Variants in CDYL observed in about 807,000 individuals in gnomAD.
CDYL encodes the protein chromodomain Y-like protein.
In CDYL, 8 loss-of-function variants were observed where a neutral mutation model predicts 47.3. The observed-to-expected ratio is 0.17, with a 90% CI of 0.10 to 0.31. The LOEUF is 0.31. Among genes scored for constraint, CDYL ranks in the 10% least tolerant of loss-of-function variants. The pLI, the probability that CDYL is intolerant of heterozygous loss-of-function variation, is 1.00. For synonymous variants in CDYL, 266 were observed against 265.0 expected (o/e 1.00, Z -0.04); for missense variants, 471 against 701.4 (o/e 0.67, Z 3.71).
intron 1 of CDYL, among the ~76,000 whole-genome samples, chr6:4,891,084 A>G (rs902909058): frequency 6.6e-6 from 1 of 152,242 alleles, no homozygotes; most frequent in East Asian, 1.9e-4. Context: ...TCAATGATTA[A>G]CAGCATCTCC....
At chr6:4,710,379 G>GGGAGGGAAGGAGGGAGGGAGGGAGGGAA (rs1554130869) in intron 1 of CDYL, among the ~76,000 whole-genome samples, 1 of 101,162 alleles carries the variant, frequency 9.9e-6, no homozygotes, top group African/African-American at 3.2e-5. Flanking sequence ...GAGGGAGGGA[G>GGGAGGGAAGGAGGGAGGGAGGGAGGGAA]GGAAGGAAGG....
chr6:4,843,516 T>C (rs1760564973), intron 1 of CDYL, among the ~76,000 whole-genome samples: 1 of 150,158 alleles, frequency 6.7e-6, no homozygotes, highest in Non-Finnish European at 1.5e-5. Flanking sequence ...TTTCTTTTTT[T>C]TTTTTTTTAA....
At chr6:4,837,354 G>C (rs776144152) in intron 1 of CDYL, among the ~76,000 whole-genome samples, 12 of 151,780 alleles carry the variant, frequency 7.9e-5, no homozygotes, top group Non-Finnish European at 1.2e-4. Context: ...ACATAAAGTA[G>C]TTTTATTAAA....
At chr6:4,709,482 C>T (rs1757109782) in intron 1 of CDYL, among the ~76,000 whole-genome samples, 1 of 152,164 alleles carries the variant, frequency 6.6e-6, no homozygotes, top group African/African-American at 2.4e-5. Flanking sequence ...AGGCGTGAGC[C>T]ATTGCACCCA....
At chr6:4,887,488 A>T (rs1761929375) in intron 1 of CDYL, among the ~76,000 whole-genome samples, 1 of 152,052 alleles carries the variant, frequency 6.6e-6, no homozygotes, top group Non-Finnish European at 1.5e-5. Flanking sequence ...TTGCTACTGT[A>T]TAGAAATACA....
chr6:4,904,027 A>G (rs1757150419), intron 2 of CDYL, among the ~76,000 whole-genome samples: 1 of 152,198 alleles, frequency 6.6e-6, no homozygotes, highest in Admixed American at 6.5e-5. Flanking sequence ...TATTCAAGAA[A>G]GAGCCCTCGT....
At chr6:4,903,769 G>A (rs536740433) in intron 2 of CDYL, among the ~76,000 whole-genome samples, 94 of 152,300 alleles carry the variant, frequency 6.2e-4, no homozygotes, top group African/African-American at 1.4e-3. Context: ...AGTATCTTCC[G>A]TGGCTTCTGA....
intron 1 of CDYL, among the ~76,000 whole-genome samples, chr6:4,870,864 A>G (rs1377314563): frequency 6.6e-6 from 1 of 152,030 alleles, no homozygotes; most frequent in Non-Finnish European, 1.5e-5. Flanking sequence ...GGCATTTTCT[A>G]TTTGAGTCAT....
At chr6:4,895,101 GTA>G (rs1191152499) in intron 2 of CDYL, among the ~76,000 whole-genome samples, 1 of 150,888 alleles carries the variant, frequency 6.6e-6, no homozygotes, top group Admixed American at 6.6e-5. Flanking sequence ...GTACATGTGT[GTA>G]TATGTATCTA....
At chr6:4,931,010 A>T (rs1758020262) in intron 2 of CDYL, among the ~76,000 whole-genome samples, 1 of 152,164 alleles carries the variant, frequency 6.6e-6, no homozygotes, top group Admixed American at 6.5e-5. Flanking sequence ...TTTAGTCATT[A>T]GCAGCTACTT....
intron 1 of CDYL, among the ~76,000 whole-genome samples, chr6:4,842,926 A>G (rs538129315): frequency 6.6e-6 from 1 of 152,110 alleles, no homozygotes; most frequent in African/African-American, 2.4e-5. Context: ...TTGTTTCAAG[A>G]TTTATATCTC....
At chr6:4,798,083 T>C (rs912928855) in intron 1 of CDYL, among the ~76,000 whole-genome samples, 11 of 151,986 alleles carry the variant, frequency 7.2e-5, no homozygotes, top group African/African-American at 2.7e-4. Flanking sequence ...GATGATCCTC[T>C]CACCTCAGCC....
chr6:4,876,785 G>A (rs762564402), intron 1 of CDYL, among the ~76,000 whole-genome samples: 1 of 152,152 alleles, frequency 6.6e-6, no homozygotes, highest in Non-Finnish European at 1.5e-5. Flanking sequence ...TTTGCATGTG[G>A]GAATGACATG....
rs539443011 is a variant in CDYL, at chr6:4,937,606, C to T, written c.990C>T (p.Ala330=). The T allele has an allele frequency of 2.7e-5, 43 of 1,600,342 alleles. No homozygotes were observed. Among genetic ancestry groups the T allele is most frequent in the Non-Finnish European group, 3.3e-5 (39 of 1,174,604 alleles). ...EVQSALSTAA[A]DDSKLVLLSA... ...AGAGTGCTCTGAGCACGGCCGCTGC[C>T]GATGACAGCAAGCTGGTACTGCTCA... Residue 330 remains alanine, a synonymous_variant, in exon 4 of 7, where the codon GCC becomes GCT. Coordinates refer to ENST00000397588, the MANE Select transcript of CDYL (RefSeq NM_004824.4).
chr6:4,783,753 A>G (rs1458184210), intron 1 of CDYL, among the ~76,000 whole-genome samples: 1 of 152,118 alleles, frequency 6.6e-6, no homozygotes, highest in Non-Finnish European at 1.5e-5. Flanking sequence ...GTCACTTTAT[A>G]GGAGATCTGT....
intron 2 of CDYL, among the ~76,000 whole-genome samples, chr6:4,894,148 G>A (rs1762129602): frequency 6.6e-6 from 1 of 152,186 alleles, no homozygotes; most frequent in Non-Finnish European, 1.5e-5. Flanking sequence ...TTAATAGCAC[G>A]CTCTATTTTG....
chr6:4,831,665 T>C (rs1581196946), intron 1 of CDYL, among the ~76,000 whole-genome samples: 1 of 152,258 alleles, frequency 6.6e-6, no homozygotes, highest in African/African-American at 2.4e-5. Flanking sequence ...TAAATTACCT[T>C]GGGCAGTGTG....
At chr6:4,809,200 T>C (rs1303042349) in intron 1 of CDYL, among the ~76,000 whole-genome samples, 2 of 152,238 alleles carry the variant, frequency 1.3e-5, no homozygotes, top group South Asian at 2.1e-4. Flanking sequence ...TGGTATAAGA[T>C]ACTCTTCTGC....
At chr6:4,714,991 C>T (rs1166853960) in intron 1 of CDYL, 2 of 152,134 alleles carry the variant, frequency 1.3e-5, no homozygotes, top group Non-Finnish European at 2.9e-5. Context: ...GAAATGACCT[C>T]AGTTGTTTTT....
Sources: gnomAD v4.1 joint callset for allele counts (sites outside exome capture counted in the v4.1 genomes callset) on GRCh38, gnomAD v4.1.1 for gene constraint, MANE v1.5 for transcripts, NCBI Gene and HGNC (gene_info 2026-07-23, HGNC 2026-07-21) for gene names.